The following FBXW9 variants were observed in gnomAD, a reference collection of about 807,000 sequenced individuals.
The protein encoded by FBXW9 is F-box and WD repeat domain containing 9.
FBXW9 carries 38 observed loss-of-function variants against 55.8 expected under a neutral mutation model. The ratio of observed to expected loss-of-function variants is 0.68; its 90% CI spans 0.53 to 0.89. The LOEUF (loss-of-function observed/expected upper bound fraction) is 0.89, where lower values mean the gene tolerates loss of function less well. Ranked by LOEUF, FBXW9 falls within the 40% of genes least tolerant of loss-of-function variation. The probability of loss-of-function intolerance (pLI) is 0.00; values close to 1 mark genes in which losing one functional copy is unlikely to be tolerated. For synonymous variants in FBXW9, 289 were observed against 278.2 expected, an observed-to-expected ratio of 1.04 and a Z score of -0.38; for missense variants, 590 against 619.4, an observed-to-expected ratio of 0.95 and a Z score of 0.50.
Position 12,689,512 on chromosome 19 carries a change from C to G in FBXW9, c.1236+29G>C. ...AGGTAGGGGAGAGGCAGGGACTGTC[C>G]TGGGGTGGGGGCTGGGCAGGAGCCT... is the stretch of plus-strand genomic sequence containing the variant. On this transcript the variant is annotated intron_variant, in intron 8 of 9. Transcript: ENST00000393261. This position sits in a 1 kb window ranked among gnomAD's most constrained non-coding sequence, Gnocchi z 5.9. The G allele has an allele frequency of 6.2e-7, 1 of 1,613,320 alleles. No homozygotes were observed. The highest frequency in any genetic ancestry group is 8.5e-7 in the Non-Finnish European group (1 of 1,179,358).
intron 3 of FBXW9, among the ~76,000 whole-genome samples, chr19:12,692,296 C>T (rs1259870985): frequency 1.4e-5 from 2 of 146,396 alleles, no homozygotes; most frequent in Admixed American, 6.8e-5. Flanking sequence ...GATACGATCT[C>T]GGCTCACCAC....
chr19:12,695,939 TA>T (rs1351766493), intron 1 of FBXW9, among the ~76,000 whole-genome samples: 8 of 152,154 alleles, frequency 5.3e-5, no homozygotes, highest in African/African-American at 9.7e-5. Context: ...AGCCCCATGT[TA>T]GGGTTTCACA....
At chr19:12,692,100 T>C (rs7246917) in intron 3 of FBXW9, among the ~76,000 whole-genome samples, 22,059 of 150,040 alleles carry the variant, frequency 0.15, 4,894 homozygotes, top group African/African-American at 0.48. Flanking sequence ...TGCTGTGTCA[T>C]CCAGGCATGA....
At chr19:12,690,310 T>A in intron 5 of FBXW9, 200 bp from the exon 6 acceptor site, 1 of 800,612 alleles carries the variant, frequency 1.2e-6, no homozygotes, top group Non-Finnish European at 2.0e-6. Flanking sequence ...CCTCTGCCCA[T>A]CCCCGTCCAC....
In FBXW9 at chr19:12,694,448, A is replaced by G. The variant is rs1054050827; in HGVS notation, c.678+146T>C. The G allele has an allele frequency of 4.9e-6, 4 of 815,610 alleles. No individual in the cohort carries two copies. In the African/African-American group the frequency reaches 7.1e-5, roughly 14 times the overall value. 50.5% of individuals were successfully genotyped at this position (815,610 alleles called of 1,614,324 possible). A position where few individuals can be genotyped will look rare whatever the true frequency, so the allele number is the denominator to read the frequency against. ...ACTGGACAGAAGTAGAAACTGAGGC[A>G]CAGAGAAGTCACACATCTCACTCAA... On this transcript the variant is annotated intron_variant, in intron 3 of 9. Transcript: ENST00000393261.
intron 1 of FBXW9, among the ~76,000 whole-genome samples, 162 bp downstream of exon 1, chr19:12,696,011 G>A (rs999873560): frequency 2.6e-5 from 4 of 152,158 alleles, no homozygotes; most frequent in African/African-American, 9.6e-5. Context: ...CAGGGGCTTC[G>A]GCACCACCAG....
intron 5 of FBXW9, 34 bp from the exon 6 acceptor site, chr19:12,690,144 C>G (rs773319886): frequency 5.0e-6 from 8 of 1,611,886 alleles, no homozygotes; most frequent in Admixed American, 3.3e-5. Context: ...GGAGGGATAT[C>G]AGAGCCCCTC....
Position 12,694,742 on chromosome 19 carries a change from A to C in FBXW9, c.550-20T>G. 6.2e-7 allele frequency: 1 copy of C among 1,614,142 alleles called. No homozygotes were observed. The highest frequency in any genetic ancestry group is 8.5e-7 in the Non-Finnish European group (1 of 1,180,000). ...CCCACCCTGGAAAGGGAGCAAGGTGATGTTGTCAGGGCCACCCTGGCCCAC... is the reference window on the plus strand; with the variant it reads ...CCCACCCTGGAAAGGGAGCAAGGTGCTGTTGTCAGGGCCACCCTGGCCCAC... On this transcript the variant is annotated intron_variant, in intron 2 of 9. Coordinates refer to ENST00000393261, the MANE Select transcript of FBXW9 (RefSeq NM_032301.3).
chr19:12,692,123 G>T (rs1313217259), intron 3 of FBXW9, among the ~76,000 whole-genome samples: 1 of 150,946 alleles, frequency 6.6e-6, no homozygotes, highest in African/African-American at 2.4e-5. Flanking sequence ...GCAGTGGTGC[G>T]ATCATGGCTT....
Position 12,688,926 on chromosome 19 carries a change from A to C in FBXW9, c.*290T>G. 2 of 575,362 alleles carry C rather than the reference A, an allele frequency of 3.5e-6. No homozygotes were observed. Among genetic ancestry groups the C allele is most frequent in the Middle Eastern group, 2.7e-4 (1 of 3,712 alleles). 35.6% of individuals were successfully genotyped at this position (575,362 alleles called of 1,614,324 possible). On this transcript the variant is annotated 3_prime_UTR_variant, in exon 10 of 10. Transcript: ENST00000393261. ...CACTCACACTCCAGGCCCAAGCACCAACATGTCAGGTTTATTTCTCCTTCG... is the reference window on the plus strand; with the variant it reads ...CACTCACACTCCAGGCCCAAGCACCCACATGTCAGGTTTATTTCTCCTTCG...
rs375844260 is a variant in FBXW9, at chr19:12,696,613, C to G, written c.-32G>C. ...CGGGTGGGCGCTGCCGGCCTCGCGT[C>G]TTGTCTCCTAGGCAGCACGAGGGCA... On this transcript the variant is annotated 5_prime_UTR_variant, in exon 1 of 10. Transcript: ENST00000393261. 3 of 1,599,240 alleles carry G rather than the reference C, an allele frequency of 1.9e-6. No homozygotes were observed. Among genetic ancestry groups the G allele is most frequent in the Non-Finnish European group, 2.5e-6 (3 of 1,178,738 alleles).
Position 12,689,886 on chromosome 19 carries a change from A to G in FBXW9, c.1033-12T>C. The G allele has an allele frequency of 6.2e-7, 1 of 1,613,660 alleles. No individual in the cohort carries two copies. Among genetic ancestry groups the G allele is most frequent in the Non-Finnish European group, 8.5e-7 (1 of 1,179,622 alleles). On this transcript the variant is annotated splice_polypyrimidine_tract_variant and intron_variant, in intron 6 of 9. Transcript: ENST00000393261. The surrounding 1 kb of genome is among the most constrained non-coding windows in gnomAD (Gnocchi z 5.9). ...AGGTAGGAGTCCAGCTACGAGAGGGACAAGGGACGGGACAGCTCAGGCCGG... is the reference window on the plus strand; with the variant it reads ...AGGTAGGAGTCCAGCTACGAGAGGGGCAAGGGACGGGACAGCTCAGGCCGG...
At chr19:12,695,201 G>A (rs889368289) in intron 1 of FBXW9, among the ~76,000 whole-genome samples, 2 of 152,170 alleles carry the variant, frequency 1.3e-5, no homozygotes, top group Admixed American at 6.5e-5. Context: ...CTCTCCAGGC[G>A]CCATCCCCCA....
At chr19:12,692,519 T>G (rs570961564) in intron 3 of FBXW9, among the ~76,000 whole-genome samples, 75 of 145,938 alleles carry the variant, frequency 5.1e-4, no homozygotes, top group African/African-American at 2.0e-3. Flanking sequence ...AGCCACTGCA[T>G]CCGGTCTTTT....
rs2025068480 is a variant in FBXW9 at position 12,696,215 on chromosome 19, G to T, written c.367C>A (p.Arg123Ser). 2 of 1,553,398 alleles carry T rather than the reference G, an allele frequency of 1.3e-6. No homozygotes were observed. Among genetic ancestry groups the T allele is most frequent in the East Asian group, 2.4e-5 (1 of 41,314 alleles). ...GGCGCGCGTACGCGGCGTAGCGCGCGTAGCCTCCAGGTGACATGGTCAGAC... is the reference window on the plus strand; with the variant it reads ...GGCGCGCGTACGCGGCGTAGCGCGCTTAGCCTCCAGGTGACATGGTCAGAC... ...LVSDHVTWRL[R>S]ALRRVRAPYP... Residue 123 changes from arginine (R) to serine (S), a missense_variant, in exon 1 of 10, where the codon CGC becomes AGC. Physicochemically the swap from Arg to Ser is moderately radical, Grantham distance 110. Coordinates refer to ENST00000393261, the MANE Select transcript of FBXW9 (RefSeq NM_032301.3).
Position 12,696,230 on chromosome 19 carries a change from C to T in FBXW9, c.352G>A (p.Val118Ile), listed in dbSNP as rs749383428. 5.1e-6 allele frequency: 8 copies of T among 1,561,254 alleles called. No homozygotes were observed. Among genetic ancestry groups the T allele is most frequent in the Admixed American group, 1.9e-5 (1 of 52,622 alleles). Residue 118 changes from valine (V) to isoleucine (I), a missense_variant, in exon 1 of 10, where the codon GTC (valine) becomes ATC (isoleucine). Val to Ile is a conservative substitution (Grantham distance 29). Transcript: ENST00000393261. Reference sequence around the variant, plus strand: ...CGTAGCGCGCGTAGCCTCCAGGTGACATGGTCAGACACGAGGTCGCGGAGC... The same window carrying T: ...CGTAGCGCGCGTAGCCTCCAGGTGATATGGTCAGACACGAGGTCGCGGAGC... Reference protein sequence around the residue: ...HALRDLVSDHVTWRLRALRRV... With the variant: ...HALRDLVSDHITWRLRALRRV...
chr19:12,692,061 A>G (rs1350438731), intron 3 of FBXW9, among the ~76,000 whole-genome samples: 1 of 132,728 alleles, frequency 7.5e-6, no homozygotes, highest in Non-Finnish European at 1.7e-5. Context: ...TGGCCCAGGA[A>G]CTCTTTTTTT....
Sources: gnomAD v4.1 joint callset for allele counts (sites outside exome capture counted in the v4.1 genomes callset) on GRCh38, gnomAD v4.1.1 for gene constraint, Gnocchi (gnomAD v3.1) non-coding constraint, MANE v1.5 for transcripts, NCBI Gene and HGNC (gene_info 2026-07-23, HGNC 2026-07-21) for gene names.